The following EARS2 variants were observed in gnomAD, a reference collection of about 807,000 sequenced individuals.
The protein encoded by EARS2 is nondiscriminating glutamyl-tRNA synthetase EARS2, mitochondrial.
In EARS2, 50 loss-of-function variants were observed where a neutral mutation model predicts 54.1. The ratio of observed to expected loss-of-function variants is 0.92; its 90% CI spans 0.74 to 1.17. EARS2 has a LOEUF of 1.17. Ranked by LOEUF, EARS2 falls within the 50% of genes most tolerant of loss-of-function variation. EARS2 has a pLI of 0.00. For missense variants in EARS2, 673 were observed against 675.0 expected, an observed-to-expected ratio of 1.00 and a Z score of 0.03; for synonymous variants, 298 against 281.0, an observed-to-expected ratio of 1.06 and a Z score of -0.61.
chr16:23,535,768 G>C lies in EARS2; in HGVS notation c.486-408C>G, dbSNP rs548788749. On this transcript the variant is annotated intron_variant, in intron 3 of 8. Coordinates refer to ENST00000449606, the MANE Select transcript of EARS2 (RefSeq NM_001083614.2). ...AAGAAAGGTTTAAGGTTCCGGGAAA[G>C]GTTTTTCTCTCCAAAGGACAAGAAG... 4.3e-4 allele frequency among the ~76,000 whole-genome samples: 66 copies of C among 152,262 alleles called. 1 individual carries two copies. The highest frequency in any genetic ancestry group is 1.5e-3 in the African/African-American group (61 of 41,542).
intron 3 of EARS2, among the ~76,000 whole-genome samples, chr16:23,541,934 C>G (rs7202632): frequency 0.82 from 124,640 of 151,540 alleles, 51,340 homozygotes; most frequent in Middle Eastern, 0.89. Flanking sequence ...TCTCAGCTCA[C>G]TGCAACCTTC....
At chr16:23,535,761 C>T (rs7186519) in intron 3 of EARS2, among the ~76,000 whole-genome samples, 12,548 of 152,130 alleles carry the variant, frequency 0.082, 906 homozygotes, top group African/African-American at 0.19. Flanking sequence ...TTTAAGGTTC[C>T]GGGAAAGGTT....
chr16:23,553,425 A>T (rs1436712900), intron 1 of EARS2, among the ~76,000 whole-genome samples: 1 of 152,192 alleles, frequency 6.6e-6, no homozygotes, highest in Non-Finnish European at 1.5e-5. Flanking sequence ...TGGGAAAAAA[A>T]TTAATTACAA....
chr16:23,536,005 T>C (rs1176440001), intron 3 of EARS2, among the ~76,000 whole-genome samples: 1 of 152,192 alleles, frequency 6.6e-6, no homozygotes, highest in African/African-American at 2.4e-5. Context: ...ACCTCCAGCC[T>C]TGTGCAGAAT....
rs1597003370 is a variant in EARS2, at chr16:23,522,521, A to C, written c.*1850T>G. The C allele has an allele frequency of 6.6e-6, 1 of 152,232 alleles. No individual in the cohort carries two copies. Among genetic ancestry groups the C allele is most frequent in the East Asian group, 1.9e-4 (1 of 5,178 alleles). 9.4% of individuals were successfully genotyped at this position (152,232 alleles called of 1,614,324 possible). On this transcript the variant is annotated 3_prime_UTR_variant, in exon 9 of 9. Transcript: ENST00000449606. ...TGTGGCTCTCTTATGGCCTCCAATA[A>C]ACATAAGTGAGGCAGAGTTGGTTTC...
rs886051825 is a variant in EARS2, at chr16:23,522,562, A to G, written c.*1809T>C. Reference sequence around the variant, plus strand: ...AGTTGGTTTCTATTGTTTGCAACCAACGAACTTAATGGATTCTGTATTAGA... The same window carrying G: ...AGTTGGTTTCTATTGTTTGCAACCAGCGAACTTAATGGATTCTGTATTAGA... On this transcript the variant is annotated 3_prime_UTR_variant, in exon 9 of 9. Coordinates refer to ENST00000449606, the MANE Select transcript of EARS2 (RefSeq NM_001083614.2). The G allele has an allele frequency of 8.5e-5, 13 of 152,210 alleles. No homozygotes were observed. Among genetic ancestry groups the G allele is most frequent in the African/African-American group, 3.1e-4 (13 of 41,418 alleles). The allele number at this position is 152,210 out of a possible 1,614,324, so 9.4% of individuals were successfully genotyped here.
At chr16:23,544,736 C>A in intron 2 of EARS2, 33 bp from the exon 3 acceptor site, 1 of 1,551,804 alleles carries the variant, frequency 6.4e-7, no homozygotes. Flanking sequence ...AGCTAAGGTG[C>A]ACACAGCGCT....
intron 2 of EARS2, chr16:23,546,507 A>G (rs1965605750): frequency 2.2e-6 from 1 of 452,308 alleles, no homozygotes; most frequent in Non-Finnish European, 4.4e-6. Context: ...TGATCTAAGT[A>G]AAGTACTCAT....
At position 23,534,923 on chromosome 16, in the gene EARS2, A is replaced by G; in HGVS notation, c.923T>C (p.Leu308Ser). Reference sequence around the variant, plus strand: ...TGAGCCACAGTTGGTGATGATGTCCAACAAGGAATCGGGCAGGAAGCCATC... The same window carrying G: ...TGAGCCACAGTTGGTGATGATGTCCGACAAGGAATCGGGCAGGAAGCCATC... ...AADGFLPDSL[L>S]DIITNCGSGF... is the part of the protein sequence containing the mutation. The change falls in exon 4 of 9, where the codon TTG becomes TCG. Residue 308 changes from leucine to serine, a missense_variant. Coordinates refer to ENST00000449606, the MANE Select transcript of EARS2 (RefSeq NM_001083614.2). The G allele has an allele frequency of 6.3e-7, 1 of 1,595,152 alleles. No individual in the cohort carries two copies. The highest frequency in any genetic ancestry group is 8.6e-7 in the Non-Finnish European group (1 of 1,168,464).
rs80259829 is a variant in EARS2, at chr16:23,555,069, C to T, written c.139+2136G>A. Among the ~76,000 whole-genome samples the T allele has an allele frequency of 4.6e-3, 697 of 152,318 alleles. 36 individuals are homozygous for T. In the East Asian group the frequency reaches 0.11, roughly 25 times the overall value. ...CATAATAGAGGCTGTGTATTAAGTG[C>T]TTTCTGGGTGTACTAGACCTTACTA... On this transcript the variant is annotated intron_variant, in intron 1 of 8. Coordinates refer to ENST00000449606, the MANE Select transcript of EARS2 (RefSeq NM_001083614.2).
At chr16:23,543,093 T>G (rs1965541688) in intron 3 of EARS2, among the ~76,000 whole-genome samples, 1 of 117,270 alleles carries the variant, frequency 8.5e-6, no homozygotes, top group South Asian at 2.6e-4. Context: ...CTAGCCTGGG[T>G]AGCAGAGCAA....
At chr16:23,544,825 A>T (rs1306660313) in intron 2 of EARS2, 122 bp from the exon 3 acceptor site, 5 of 928,118 alleles carry the variant, frequency 5.4e-6, no homozygotes, top group Non-Finnish European at 7.8e-6. Flanking sequence ...GGTTGGCATT[A>T]GTACAATGTC....
rs1400482707 is a variant in EARS2, at chr16:23,529,788, C to T, written c.1177G>A (p.Val393Ile). The change falls in exon 6 of 9, where the codon GTC (valine) becomes ATC (isoleucine). Residue 393 changes from valine (V) to isoleucine (I), a missense_variant. Transcript: ENST00000449606. ...AFGCQLQNRDVLNPVYVERIL... is the reference protein window; with the variant it reads ...AFGCQLQNRDILNPVYVERIL... ...CTCTCCACGTAGACTGGGTTGAGGACATCCCTGTTTTGCAGCTGGCAACCA... is the reference window on the plus strand; with the variant it reads ...CTCTCCACGTAGACTGGGTTGAGGATATCCCTGTTTTGCAGCTGGCAACCA... The T allele has an allele frequency of 6.2e-7, 1 of 1,614,042 alleles. No individual in the cohort carries two copies. The highest frequency in any genetic ancestry group is 1.3e-5 in the African/African-American group (1 of 74,916).
chr16:23,544,807 A>G, intron 2 of EARS2, 104 bp from the exon 3 acceptor site: 1 of 1,065,338 alleles, frequency 9.4e-7, no homozygotes, highest in Non-Finnish European at 1.3e-6. Context: ...CCTCATAACA[A>G]TCCATGAGGT....
rs1597020955 is a variant in EARS2 at position 23,544,431 on chromosome 16, G to A, written c.485+83C>T. ...CCACAGAAACTGAGAGGTAATACAT[G>A]TTTAGGGGAATTTCTTACGCAGCAC... is the stretch of plus-strand genomic sequence containing the variant. On this transcript the variant is annotated intron_variant, in intron 3 of 8. Coordinates refer to ENST00000449606, the MANE Select transcript of EARS2 (RefSeq NM_001083614.2). The A allele has an allele frequency of 6.5e-6, 9 of 1,378,342 alleles. No individual in the cohort carries two copies. In the South Asian group the frequency reaches 1.2e-4, roughly 19 times the overall value. 85.4% of individuals were successfully genotyped at this position (1,378,342 alleles called of 1,614,324 possible).
At chr16:23,554,919 C>T (rs1388367349) in intron 1 of EARS2, among the ~76,000 whole-genome samples, 1 of 152,156 alleles carries the variant, frequency 6.6e-6, no homozygotes, top group African/African-American at 2.4e-5. Flanking sequence ...CCAAAGTAAA[C>T]CCTCAATTAA....
intron 1 of EARS2, among the ~76,000 whole-genome samples, chr16:23,555,539 A>C (rs913562612): frequency 6.6e-6 from 1 of 152,208 alleles, no homozygotes; most frequent in Non-Finnish European, 1.5e-5. Context: ...ACATCTAATA[A>C]GTGGCCACGA....
intron 1 of EARS2, 124 bp downstream of exon 1, chr16:23,557,081 G>T (rs1309851243): frequency 2.9e-6 from 4 of 1,394,758 alleles, no homozygotes; most frequent in East Asian, 2.5e-5. Context: ...ATGGGCTCGC[G>T]CTGCCTTAAC....
intron 3 of EARS2, among the ~76,000 whole-genome samples, chr16:23,537,922 T>C (rs1965450051): frequency 6.6e-6 from 1 of 150,854 alleles, no homozygotes; most frequent in African/African-American, 2.4e-5. Context: ...GCCTCCCAAG[T>C]AGCTGGGACT....
Sources: gnomAD v4.1 joint callset for allele counts (sites outside exome capture counted in the v4.1 genomes callset) on GRCh38, gnomAD v4.1.1 for gene constraint, MANE v1.5 for transcripts, NCBI Gene and HGNC (gene_info 2026-07-23, HGNC 2026-07-21) for gene names.